TCF7L2: variants seen among roughly 807,000 people sequenced by gnomAD.
TCF7L2 encodes transcription factor 7 like 2.
TCF7L2 carries 23 observed loss-of-function variants against 77.9 expected under a neutral mutation model. The ratio of observed to expected loss-of-function variants is 0.30; its 90% CI spans 0.21 to 0.42. TCF7L2 has a LOEUF of 0.42. Ranked by LOEUF, TCF7L2 falls within the 10% of genes least tolerant of loss-of-function variation. The probability of loss-of-function intolerance (pLI) is 1.00; values close to 1 mark genes in which losing one functional copy is unlikely to be tolerated. For synonymous variants in TCF7L2, 413 were observed against 340.2 expected (o/e 1.21, Z -2.36); for missense variants, 654 against 793.1 (o/e 0.82, Z 2.11).
intron 4 of TCF7L2, among the ~76,000 whole-genome samples, chr10:112,979,772 A>T (rs1170148620): frequency 6.6e-6 from 1 of 151,976 alleles, no homozygotes; most frequent in Non-Finnish European, 1.5e-5. Flanking sequence ...AAATAAAAAA[A>T]ATAAAAAAAA....
At chr10:113,066,139 G>A (rs2057222665) in intron 5 of TCF7L2, among the ~76,000 whole-genome samples, 1 of 152,132 alleles carries the variant, frequency 6.6e-6, no homozygotes, top group African/African-American at 2.4e-5. Flanking sequence ...GAGGAGGGCG[G>A]ATCACTTGAG....
chr10:113,088,023 G>A (rs549992518), intron 5 of TCF7L2, among the ~76,000 whole-genome samples: 2 of 152,190 alleles, frequency 1.3e-5, no homozygotes, highest in African/African-American at 4.8e-5. Flanking sequence ...CAAGATGTTG[G>A]TGTTATCCTC....
chr10:113,131,695 G>A (rs1468079751), intron 5 of TCF7L2, among the ~76,000 whole-genome samples: 1 of 152,172 alleles, frequency 6.6e-6, no homozygotes. Flanking sequence ...GCATTTTCTG[G>A]AAGCAGCAGA....
In TCF7L2 at chr10:113,035,587, A is replaced by C. The variant is rs151283033; in HGVS notation, c.451-4438A>C. On this transcript the variant is annotated intron_variant, in intron 4 of 13. Transcript: ENST00000627217. ...CTGCTAACTTTTTTTATTTTTGTAC[A>C]GTCTTGCTGTTGTTGCCCAGGCTGG... 3.0e-3 allele frequency among the ~76,000 whole-genome samples: 456 copies of C among 152,236 alleles called. 5 individuals carry two copies. The highest frequency in any genetic ancestry group is 0.017 in the Middle Eastern group (5 of 294).
chr10:113,003,210 C>A (rs1190860589), intron 4 of TCF7L2, among the ~76,000 whole-genome samples: 1 of 152,184 alleles, frequency 6.6e-6, no homozygotes, highest in East Asian at 1.9e-4. Context: ...CTTTCCAACT[C>A]CCCCCACCTC....
intron 4 of TCF7L2, among the ~76,000 whole-genome samples, chr10:112,991,630 C>T (rs1387597239): frequency 6.6e-6 from 1 of 152,136 alleles, no homozygotes; most frequent in African/African-American, 2.4e-5. Flanking sequence ...ACAGGGACAG[C>T]CAGCTCTCTT....
chr10:112,950,715 TTCA>T lies in TCF7L2; in HGVS notation c.-40_-38del. 8 of 1,523,784 alleles carry T rather than the reference TTCA, an allele frequency of 5.3e-6. No individual in the cohort carries two copies. The highest frequency in any genetic ancestry group is 7.0e-6 in the Non-Finnish European group (8 of 1,139,932). The allele number at this position is 1,523,784 out of a possible 1,614,324, so 94.4% of individuals were successfully genotyped here. A position where few individuals can be genotyped will look rare whatever the true frequency, so the allele number is the denominator to read the frequency against. ...GATTTTTTTTGGCTTTTCTTCCTCC[TTCA>T]TTTTTCTTCCAAAATTGCTGCTGGT... On this transcript the variant is annotated 5_prime_UTR_variant, in exon 1 of 14. Transcript: ENST00000627217.
At position 113,105,031 on chromosome 10, in the gene TCF7L2, T is replaced by G. The variant is rs561694216; in HGVS notation, c.553-36153T>G. Among the ~76,000 whole-genome samples, 19 of 152,326 alleles carry G rather than the reference T, an allele frequency of 1.2e-4. No individual in the cohort carries two copies. The East Asian group carries it at 3.1e-3, about 25-fold the overall frequency. ...ATAACTGTTGCAAAGGCCATTAACT[T>G]GACTTTGTGGGACAGACATGTAGGT... is the stretch of plus-strand genomic sequence containing the variant. On this transcript the variant is annotated intron_variant, in intron 5 of 13. Transcript: ENST00000627217.
intron 5 of TCF7L2, among the ~76,000 whole-genome samples, chr10:113,051,898 A>G (rs1358419309): frequency 6.6e-6 from 1 of 152,218 alleles, no homozygotes; most frequent in Non-Finnish European, 1.5e-5. Flanking sequence ...AGTATGAAAT[A>G]CTGCCCTTTT....
intron 5 of TCF7L2, among the ~76,000 whole-genome samples, chr10:113,098,588 C>T (rs923907648): frequency 1.3e-5 from 2 of 151,642 alleles, no homozygotes; most frequent in African/African-American, 4.9e-5. Flanking sequence ...AGCCTGTAGT[C>T]CCAGCTACTC....
At chr10:113,081,907 G>A (rs2059350305) in intron 5 of TCF7L2, among the ~76,000 whole-genome samples, 1 of 152,208 alleles carries the variant, frequency 6.6e-6, no homozygotes, top group East Asian at 1.9e-4. Context: ...GCATGATCTC[G>A]GCTCACTGCA....
At chr10:113,113,462 C>T (rs1486745773) in intron 5 of TCF7L2, among the ~76,000 whole-genome samples, 1 of 152,182 alleles carries the variant, frequency 6.6e-6, no homozygotes, top group Non-Finnish European at 1.5e-5. Context: ...ATAGGATGAG[C>T]TGCCTGGGCT....
At chr10:113,012,574 G>C (rs1431910413) in intron 4 of TCF7L2, among the ~76,000 whole-genome samples, 3 of 152,166 alleles carry the variant, frequency 2.0e-5, no homozygotes, top group Non-Finnish European at 4.4e-5. Context: ...CAGGTAATTT[G>C]ATCAGAACCC....
At chr10:112,984,376 T>C (rs1268161273) in intron 4 of TCF7L2, among the ~76,000 whole-genome samples, 2 of 152,152 alleles carry the variant, frequency 1.3e-5, no homozygotes, top group Non-Finnish European at 2.9e-5. Context: ...GCGGAAGGCC[T>C]GTTTTCCTCC....
chr10:112,979,083 G>C (rs1434884748), intron 4 of TCF7L2, among the ~76,000 whole-genome samples: 1 of 152,012 alleles, frequency 6.6e-6, no homozygotes, highest in Admixed American at 6.6e-5. Flanking sequence ...CTAGTGAGTT[G>C]GTATTGTTTT....
intron 8 of TCF7L2, among the ~76,000 whole-genome samples, chr10:113,148,302 C>T (rs1429248267): frequency 1.3e-5 from 2 of 152,062 alleles, no homozygotes; most frequent in Admixed American, 6.6e-5. Flanking sequence ...TGACGAGAGC[C>T]GGCTCTGAAA....
At chr10:113,041,953 A>G (rs1273874493) in intron 5 of TCF7L2, among the ~76,000 whole-genome samples, 2 of 152,164 alleles carry the variant, frequency 1.3e-5, no homozygotes, top group Non-Finnish European at 2.9e-5. Flanking sequence ...AGGAGAGAAG[A>G]TGTGAATCCT....
chr10:113,117,608 G>T (rs1022912612), intron 5 of TCF7L2, among the ~76,000 whole-genome samples: 17 of 152,328 alleles, frequency 1.1e-4, no homozygotes, highest in South Asian at 2.1e-4. Context: ...AAAAAAGAAT[G>T]ATATAATTTG....
intron 5 of TCF7L2, among the ~76,000 whole-genome samples, chr10:113,096,068 C>T (rs1444514557): frequency 6.6e-6 from 1 of 152,176 alleles, no homozygotes; most frequent in Non-Finnish European, 1.5e-5. Flanking sequence ...TTTTAATGGG[C>T]TAGTCTGCGT....
Sources: gnomAD v4.1 joint callset for allele counts (sites outside exome capture counted in the v4.1 genomes callset) on GRCh38, gnomAD v4.1.1 for gene constraint, MANE v1.5 for transcripts, NCBI Gene and HGNC (gene_info 2026-07-23, HGNC 2026-07-21) for gene names.